The following FGGY variants were observed in gnomAD, a reference collection of about 807,000 sequenced individuals.
The protein encoded by FGGY is FGGY carbohydrate kinase domain-containing protein.
Under a neutral mutation model 71.3 loss-of-function variants are expected in FGGY, and 72 were observed. The ratio of observed to expected loss-of-function variants is 1.01; its 90% confidence interval spans 0.84 to 1.23. FGGY has a LOEUF of 1.23. Among genes scored for constraint, FGGY ranks in the 50% most tolerant of loss-of-function variants. The pLI is 0.00. For synonymous variants in FGGY, 251 were observed against 250.3 expected (o/e 1.00, Z -0.02); for missense variants, 668 against 682.3 (o/e 0.98, Z 0.23).
intron 14 of FGGY, among the ~76,000 whole-genome samples, chr1:59,703,117 C>G (rs1414762800): frequency 1.3e-5 from 2 of 152,132 alleles, no homozygotes; most frequent in African/African-American, 4.8e-5. Context: ...TGTAAAGCAG[C>G]CAGAACAGTA....
chr1:59,437,729 G>A (rs1275173549), intron 5 of FGGY, among the ~76,000 whole-genome samples: 1 of 152,204 alleles, frequency 6.6e-6, no homozygotes, highest in Non-Finnish European at 1.5e-5. Context: ...TCTGTTTGGA[G>A]TTTTTACATA....
chr1:59,590,961 A>G (rs1217483933), intron 8 of FGGY, among the ~76,000 whole-genome samples: 1 of 152,228 alleles, frequency 6.6e-6, no homozygotes, highest in Non-Finnish European at 1.5e-5. Flanking sequence ...GGAGAAGGAA[A>G]GAAAGGGTAT....
At chr1:59,632,769 A>G (rs753919979) in intron 10 of FGGY, among the ~76,000 whole-genome samples, 2 of 152,152 alleles carry the variant, frequency 1.3e-5, no homozygotes, top group Admixed American at 6.5e-5. Flanking sequence ...TTGTATTGAG[A>G]GTCCCCTTTT....
chr1:59,536,929 A>G (rs2095331930), intron 7 of FGGY, among the ~76,000 whole-genome samples: 1 of 152,028 alleles, frequency 6.6e-6, no homozygotes, highest in African/African-American at 2.4e-5. Context: ...CCCTTTGAAA[A>G]CTGGCACAAG....
chr1:59,322,065 C>T (rs151044478), intron 2 of FGGY, among the ~76,000 whole-genome samples: 6 of 152,294 alleles, frequency 3.9e-5, no homozygotes, highest in African/African-American at 7.2e-5. Context: ...ACATTTACCA[C>T]GCCTTTAATG....
At chr1:59,750,482 A>G (rs904074732) in intron 14 of FGGY, among the ~76,000 whole-genome samples, 1 of 152,246 alleles carries the variant, frequency 6.6e-6, no homozygotes, top group Non-Finnish European at 1.5e-5. Flanking sequence ...GTATACACCC[A>G]TATAGTCAAC....
intron 10 of FGGY, among the ~76,000 whole-genome samples, chr1:59,631,613 G>A (rs578226966): frequency 6.6e-6 from 1 of 152,204 alleles, no homozygotes; most frequent in East Asian, 1.9e-4. Context: ...TATGACTTGG[G>A]GCTTTCTGAA....
intron 1 of FGGY, among the ~76,000 whole-genome samples, chr1:59,307,667 C>T (rs1200365106): frequency 6.6e-6 from 1 of 152,090 alleles, no homozygotes; most frequent in East Asian, 1.9e-4. Flanking sequence ...TGAGGGTTGG[C>T]TCAAAATATA....
At chr1:59,431,167 C>CCCA (rs1342586185) in intron 5 of FGGY, among the ~76,000 whole-genome samples, 6 of 152,152 alleles carry the variant, frequency 3.9e-5, no homozygotes, top group African/African-American at 1.2e-4. Context: ...TTTCTCTACC[C>CCCA]CCACCAAAAC....
chr1:59,391,146 C>A (rs980656233), intron 5 of FGGY, among the ~76,000 whole-genome samples: 2 of 152,142 alleles, frequency 1.3e-5, no homozygotes, highest in Non-Finnish European at 2.9e-5. Flanking sequence ...TGACCTTTTT[C>A]TCCACCTCCT....
At chr1:59,402,763 A>G (rs1412139087) in intron 5 of FGGY, among the ~76,000 whole-genome samples, 1 of 152,120 alleles carries the variant, frequency 6.6e-6, no homozygotes, top group Non-Finnish European at 1.5e-5. Context: ...GAAACAAGCT[A>G]GTATTGGGAG....
At chr1:59,720,546 G>A (rs1318454232) in intron 14 of FGGY, among the ~76,000 whole-genome samples, 1 of 152,182 alleles carries the variant, frequency 6.6e-6, no homozygotes, top group Non-Finnish European at 1.5e-5. Context: ...TAAATTATGT[G>A]AAAAATTGGC....
chr1:59,667,135 A>G, intron 12 of FGGY, 148 bp from the exon 13 acceptor site: 2 of 1,014,846 alleles, frequency 2.0e-6, no homozygotes, highest in Non-Finnish European at 2.9e-6. Context: ...GTGATCATAG[A>G]CAACATAATC....
chr1:59,641,448 A>G, intron 11 of FGGY: 1 of 977,826 alleles, frequency 1.0e-6, no homozygotes, highest in Non-Finnish European at 1.6e-6. Context: ...AGGTAATACA[A>G]AGAAAACAGA....
At chr1:59,539,600 A>C (rs990343630) in intron 7 of FGGY, among the ~76,000 whole-genome samples, 1 of 152,218 alleles carries the variant, frequency 6.6e-6, no homozygotes, top group South Asian at 2.1e-4. Context: ...TATGCATACA[A>C]ATACATTCCA....
At chr1:59,664,323 C>G (rs146045385) in intron 12 of FGGY, among the ~76,000 whole-genome samples, 1 of 152,148 alleles carries the variant, frequency 6.6e-6, no homozygotes, top group Admixed American at 6.5e-5. Flanking sequence ...TCTGGGACAC[C>G]GAAAGGGAAG....
At chr1:59,307,513 A>G (rs554002975) in intron 1 of FGGY, among the ~76,000 whole-genome samples, 1 of 151,358 alleles carries the variant, frequency 6.6e-6, no homozygotes, top group Non-Finnish European at 1.5e-5. Context: ...CACTGACTCT[A>G]TGACCCTGAC....
rs550288054 is a variant in FGGY, at chr1:59,607,285, G to A, written c.904-518G>A. ...TCTCCTGTCACCCAGCAGCCTTGTA[G>A]GGCATGGTCTTGTGGCCAAGTTTGA... On this transcript the variant is annotated intron_variant, in intron 8 of 15. Coordinates refer to ENST00000303721, the MANE Select transcript of FGGY (RefSeq NM_018291.5). 5.3e-5 allele frequency among the ~76,000 whole-genome samples: 8 copies of A among 152,314 alleles called. No homozygotes were observed. The South Asian group carries it at 1.7e-3, about 32-fold the overall frequency.
intron 14 of FGGY, chr1:59,755,271 G>A (rs901846074): frequency 1.3e-5 from 2 of 152,086 alleles, no homozygotes; most frequent in Non-Finnish European, 1.5e-5. Context: ...ATTCCGTCAC[G>A]TGTATTATCC....
Sources: gnomAD v4.1 joint callset for allele counts (sites outside exome capture counted in the v4.1 genomes callset) on GRCh38, gnomAD v4.1.1 for gene constraint, MANE v1.5 for transcripts, NCBI Gene and HGNC (gene_info 2026-07-23, HGNC 2026-07-21) for gene names.